The following URM1 variants were observed in gnomAD, a reference collection of about 807,000 sequenced individuals.
URM1 encodes the protein ubiquitin related modifier 1, also known as ubiquitin-related modifier 1.
A neutral mutation model predicts 17.7 loss-of-function variants in URM1; 11 were observed. The observed-to-expected ratio is 0.62, with a 90% confidence interval of 0.39 to 1.03. The LOEUF (loss-of-function observed/expected upper bound fraction) is 1.03, where lower values mean the gene tolerates loss of function less well. Among genes scored for constraint, URM1 ranks in the 50% least tolerant of loss-of-function variants. URM1 has a pLI of 0.00. For missense variants in URM1, 128 were observed against 129.2 expected, an observed-to-expected ratio of 0.99 and a Z score of 0.04; for synonymous variants, 48 against 50.6, an observed-to-expected ratio of 0.95 and a Z score of 0.22.
Position 128,389,809 on chromosome 9 carries a change from A to T in URM1, c.*75A>T. 7 of 1,594,562 alleles carry T rather than the reference A, an allele frequency of 4.4e-6. No homozygotes were observed. The highest frequency in any genetic ancestry group is 1.7e-4 in the Middle Eastern group (1 of 5,986). On this transcript the variant is annotated 3_prime_UTR_variant, in exon 5 of 5. Coordinates refer to ENST00000372853, the MANE Select transcript of URM1 (RefSeq NM_030914.4). ...AGACATCCCCTTGGGCCCTGCTTCC[A>T]GGTCTCCCTGTCCCCCTTGCCTGCC...
intron 2 of URM1, among the ~76,000 whole-genome samples, chr9:128,383,516 T>G (rs1271675938): frequency 6.6e-6 from 1 of 152,186 alleles, no homozygotes; most frequent in Admixed American, 6.5e-5. Context: ...TAGGGGATCC[T>G]TTCTTCCAAA....
intron 1 of URM1, among the ~76,000 whole-genome samples, chr9:128,372,801 T>C (rs1833029763): frequency 1.3e-5 from 2 of 151,972 alleles, no homozygotes; most frequent in Non-Finnish European, 2.9e-5. Context: ...GGGCCAGGCA[T>C]GGAGGCTCAT....
chr9:128,384,414 A>G (rs1358644096), intron 2 of URM1, among the ~76,000 whole-genome samples: 1 of 152,178 alleles, frequency 6.6e-6, no homozygotes, highest in Non-Finnish European at 1.5e-5. Flanking sequence ...CAACCCCAAC[A>G]TCTTGTGGGT....
At position 128,389,926 on chromosome 9, in the gene URM1, A is replaced by AAGGC; in HGVS notation, c.*195_*198dup. The AAGGC allele has an allele frequency of 2.8e-6, 2 of 713,136 alleles. No homozygotes were observed. The highest frequency in any genetic ancestry group is 4.5e-6 in the Non-Finnish European group (2 of 443,908). The allele number at this position is 713,136 out of a possible 1,614,324, so 44.2% of individuals were successfully genotyped here. ...CCTTTCTCAAGCACGTGAGCAGCGG[A>AAGGC]AGGCAGACAGGCGCCAGAGCCCAGC... is the stretch of plus-strand genomic sequence containing the variant. On this transcript the variant is annotated 3_prime_UTR_variant, in exon 5 of 5. Transcript: ENST00000372853.
intron 2 of URM1, among the ~76,000 whole-genome samples, chr9:128,379,689 A>G (rs1483547295): frequency 2.6e-5 from 4 of 151,392 alleles, no homozygotes; most frequent in African/African-American, 9.7e-5. Context: ...AATCCCGGCT[A>G]CTCTGGAGGC....
chr9:128,388,205 C>T, intron 3 of URM1: 4 of 1,193,612 alleles, frequency 3.4e-6, no homozygotes, highest in East Asian at 8.0e-5. Context: ...CAGTTACTCT[C>T]TACACAGAAA....
intron 2 of URM1, among the ~76,000 whole-genome samples, chr9:128,382,769 C>G (rs1464364083): frequency 6.6e-6 from 1 of 152,132 alleles, no homozygotes; most frequent in Non-Finnish European, 1.5e-5. Context: ...ATATACAATT[C>G]GGTGAAGCAG....
rs1310966790 is a variant in URM1, at chr9:128,387,889, A to T, written c.180A>T (p.Gly60=). Residue 60 remains glycine, a synonymous_variant, in exon 3 of 5, where the codon GGA becomes GGT. Coordinates refer to ENST00000372853, the MANE Select transcript of URM1 (RefSeq NM_030914.4). The surrounding 1 kb of genome is among the most constrained non-coding windows in gnomAD (Gnocchi z 4.3). ...AGCGGCCAGAGTTGTTCATCCAGGG[A>T]GACAGCGTGTGAGTCCCACTCCTCC... ...LKERPELFIQ[G]DSVRPGILVL... 5.0e-6 allele frequency: 8 copies of T among 1,614,006 alleles called. No individual in the cohort carries two copies. The East Asian group carries it at 1.8e-4, about 36-fold the overall frequency.
At chr9:128,378,892 A>G (rs1833117659) in intron 2 of URM1, among the ~76,000 whole-genome samples, 1 of 149,174 alleles carries the variant, frequency 6.7e-6, no homozygotes, top group South Asian at 2.1e-4. Context: ...GGTTTCAGTG[A>G]GCCGAGATCG....
intron 3 of URM1, chr9:128,388,327 G>C: frequency 9.9e-7 from 1 of 1,007,368 alleles, no homozygotes; most frequent in Non-Finnish European, 1.2e-6. Context: ...AGTGCAGCAC[G>C]GGTCTAGAAT....
At chr9:128,378,508 A>C (rs1833110117) in intron 2 of URM1, among the ~76,000 whole-genome samples, 1 of 130,840 alleles carries the variant, frequency 7.6e-6, no homozygotes, top group South Asian at 2.5e-4. Context: ...ATGCCACTGT[A>C]CTCTAGCCTG....
At chr9:128,385,650 A>G (rs1200979926) in intron 2 of URM1, among the ~76,000 whole-genome samples, 1 of 152,144 alleles carries the variant, frequency 6.6e-6, no homozygotes, top group Non-Finnish European at 1.5e-5. Context: ...GAAGCCGACC[A>G]TCTGGCTTGG....
chr9:128,385,634 C>T (rs1833216542), intron 2 of URM1, among the ~76,000 whole-genome samples: 1 of 152,180 alleles, frequency 6.6e-6, no homozygotes, highest in Admixed American at 6.5e-5. Flanking sequence ...CCCCTGGGCG[C>T]CTTTGGAAGC....
At position 128,378,109 on chromosome 9, in the gene URM1, GA is replaced by G. The variant is rs747056492; in HGVS notation, c.106+4del. The G allele has an allele frequency of 3.8e-6, 6 of 1,599,034 alleles. No homozygotes were observed. Among genetic ancestry groups the G allele is most frequent in the Admixed American group, 3.4e-5 (2 of 58,264 alleles). On this transcript the variant is annotated splice_donor_region_variant and intron_variant, in intron 2 of 4. Coordinates refer to ENST00000372853, the MANE Select transcript of URM1 (RefSeq NM_030914.4). ...TTTGCCTGGACAGGAGGAACCCTGT[GA>G]GTATTGGCTTTCTGAACCCCTCTCT...
intron 2 of URM1, among the ~76,000 whole-genome samples, chr9:128,382,657 T>G (rs1175189854): frequency 1.3e-5 from 2 of 152,178 alleles, no homozygotes; most frequent in Non-Finnish European, 2.9e-5. Context: ...TGCCAGACTC[T>G]TTCTTCCCTA....
chr9:128,389,226 T>G (rs1164110795), intron 3 of URM1, 35 bp from the exon 4 acceptor site: 1 of 1,569,064 alleles, frequency 6.4e-7, no homozygotes, highest in African/African-American at 1.3e-5. Context: ...CTCCTGCCTC[T>G]CACTCCTTGC....
At chr9:128,384,034 C>T (rs1362159724) in intron 2 of URM1, among the ~76,000 whole-genome samples, 3 of 152,198 alleles carry the variant, frequency 2.0e-5, no homozygotes, top group African/African-American at 7.2e-5. Flanking sequence ...CACTGCCAGG[C>T]CTGCCTTGGG....
intron 3 of URM1, chr9:128,388,483 TC>T (rs896521284): frequency 1.0e-6 from 1 of 986,026 alleles, no homozygotes; most frequent in African/African-American, 1.7e-5. Flanking sequence ...ACAAGGCCAG[TC>T]CCCCACGTGA....
In URM1 at chr9:128,390,001, C is replaced by T. The variant is rs1362757385; in HGVS notation, c.*267C>T. The stretch of plus-strand genomic sequence containing the variant: ...GGGGGAGGGTTCCCCTCCAGTTTGT[C>T]AAGAGTTGAAGGAGGCTCTGTGGCC... On this transcript the variant is annotated 3_prime_UTR_variant, in exon 5 of 5. Coordinates refer to ENST00000372853, the MANE Select transcript of URM1 (RefSeq NM_030914.4). 9.2e-6 allele frequency: 5 copies of T among 541,606 alleles called. No individual in the cohort carries two copies. The highest frequency in any genetic ancestry group is 1.6e-5 in the Non-Finnish European group (5 of 307,264). The allele number at this position is 541,606 out of a possible 1,614,324, so 33.6% of individuals were successfully genotyped here. A position where few individuals can be genotyped will look rare whatever the true frequency, so the allele number is the denominator to read the frequency against.
Sources: allele counts gnomAD v4.1 joint callset (sites outside exome capture counted in the v4.1 genomes callset), GRCh38; gene constraint gnomAD v4.1.1; non-coding constraint Gnocchi (gnomAD v3.1); transcripts MANE v1.5; gene names NCBI Gene and HGNC (gene_info 2026-07-23, HGNC 2026-07-21).